SLC8A1: variants seen among roughly 807,000 people sequenced by gnomAD.
The protein encoded by SLC8A1 is solute carrier family 8 member A1, also known as sodium/calcium exchanger 1.
In SLC8A1, 18 loss-of-function variants were observed where a neutral mutation model predicts 68.3. That is an observed-to-expected ratio of 0.26 (90% CI 0.18 to 0.39). The LOEUF (loss-of-function observed/expected upper bound fraction) is 0.39. Ranked by LOEUF, SLC8A1 falls within the 10% of genes least tolerant of loss-of-function variation. The pLI, the probability that SLC8A1 is intolerant of heterozygous loss-of-function variation, is 1.00. For synonymous variants in SLC8A1, 475 were observed against 415.5 expected (o/e 1.14, Z -1.74); for missense variants, 985 against 1,156.7 (o/e 0.85, Z 2.15).
At chr2:40,391,193 C>T (rs1015650302) in intron 2 of SLC8A1, among the ~76,000 whole-genome samples, 7 of 150,766 alleles carry the variant, frequency 4.6e-5, no homozygotes, top group Admixed American at 3.3e-4. Flanking sequence ...ATATATATTA[C>T]ACACACACAT....
At chr2:40,159,863 T>C (rs2148444917) in intron 6 of SLC8A1, among the ~76,000 whole-genome samples, 1 of 152,292 alleles carries the variant, frequency 6.6e-6, no homozygotes, top group South Asian at 2.1e-4. Context: ...TGTGGCAGAC[T>C]GGAAAAAGGG....
chr2:40,414,860 T>A (rs1693323899), intron 2 of SLC8A1, among the ~76,000 whole-genome samples: 1 of 152,118 alleles, frequency 6.6e-6, no homozygotes, highest in East Asian at 1.9e-4. Flanking sequence ...AAAATACTAT[T>A]GGTTAAATAA....
chr2:40,097,658 T>C (rs1255789808), exon 8 of SLC8A1: 1 of 152,010 alleles, frequency 6.6e-6, no homozygotes, highest in African/African-American at 2.4e-5. Context: ...ATAGAAACCA[T>C]TGAAATGATA....
chr2:40,400,310 T>C (rs932708439), intron 2 of SLC8A1, among the ~76,000 whole-genome samples: 1 of 151,864 alleles, frequency 6.6e-6, no homozygotes, highest in African/African-American at 2.4e-5. Context: ...CATTAACCTA[T>C]CCTAGAACCA....
At chr2:40,145,125 G>T (rs1484472551) in intron 6 of SLC8A1, among the ~76,000 whole-genome samples, 1 of 152,038 alleles carries the variant, frequency 6.6e-6, no homozygotes, top group East Asian at 1.9e-4. Context: ...TCCTATCTTG[G>T]TGTATTTGAG....
chr2:40,481,194 T>C (rs574109861), intron 1 of SLC8A1, among the ~76,000 whole-genome samples: 79 of 152,296 alleles, frequency 5.2e-4, no homozygotes, highest in Non-Finnish European at 2.1e-4. Context: ...TTAAAGAACA[T>C]AGTTTACCAT....
intron 4 of SLC8A1, among the ~76,000 whole-genome samples, chr2:40,170,690 C>G (rs1036263011): frequency 6.6e-6 from 1 of 152,184 alleles, no homozygotes; most frequent in African/African-American, 2.4e-5. Context: ...CTTGCAGAAG[C>G]ATCATGGAAC....
exon 8 of SLC8A1, chr2:40,101,236 G>A (rs1356887322): frequency 6.6e-6 from 1 of 152,120 alleles, no homozygotes; most frequent in Non-Finnish European, 1.5e-5. Context: ...ATCATCTGTG[G>A]TTTTCAAGCT....
chr2:40,123,668 T>C (rs1558440314), intron 7 of SLC8A1, among the ~76,000 whole-genome samples: 1 of 152,234 alleles, frequency 6.6e-6, no homozygotes, highest in Non-Finnish European at 1.5e-5. Flanking sequence ...TAAGCCATGA[T>C]TCTGTTACTT....
intron 1 of SLC8A1, among the ~76,000 whole-genome samples, chr2:40,433,752 T>C (rs1200907409): frequency 6.6e-6 from 1 of 152,194 alleles, no homozygotes; most frequent in African/African-American, 2.4e-5. Context: ...CTGATATAAC[T>C]AACTGCTCCA....
exon 8 of SLC8A1, chr2:40,112,135 T>C (rs1187150401): frequency 3.3e-5 from 5 of 152,656 alleles, no homozygotes; most frequent in African/African-American, 1.2e-4. Flanking sequence ...ATGATACCAG[T>C]TGCACAATAA....
chr2:40,437,072 T>G (rs911892661), intron 1 of SLC8A1, among the ~76,000 whole-genome samples: 1 of 152,152 alleles, frequency 6.6e-6, no homozygotes, highest in Admixed American at 6.6e-5. Flanking sequence ...CATTCGCATT[T>G]TACAAATGAG....
chr2:40,156,159 C>T (rs1048009145), intron 6 of SLC8A1, among the ~76,000 whole-genome samples: 1 of 152,176 alleles, frequency 6.6e-6, no homozygotes, highest in African/African-American at 2.4e-5. Context: ...TCCAACGGGC[C>T]ATGAAGCAAA....
At chr2:40,248,752 A>AGAT (rs1196402479) in intron 2 of SLC8A1, among the ~76,000 whole-genome samples, 1 of 152,184 alleles carries the variant, frequency 6.6e-6, no homozygotes, top group African/African-American at 2.4e-5. Context: ...ATCCAAATTA[A>AGAT]GATGATGGTA....
exon 8 of SLC8A1, chr2:40,099,316 C>T (rs945087129): frequency 4.6e-5 from 7 of 151,966 alleles, no homozygotes; most frequent in South Asian, 2.1e-4. Flanking sequence ...TGCGTGCACT[C>T]GAACGGCAAG....
At position 40,474,660 on chromosome 2, in the gene SLC8A1, G is replaced by A. The variant is rs529633410; in HGVS notation, c.-25+37689C>T. Among the ~76,000 whole-genome samples, 124 of 152,286 alleles carry A rather than the reference G, an allele frequency of 8.1e-4. 1 individual carries two copies. Among genetic ancestry groups the A allele is most frequent in the African/African-American group, 2.9e-3 (122 of 41,546 alleles). ...ACTGTTCTGAATACTTCTTAAGTATGAAGTTACTTAATCTTACAAGCCCTT... is the reference window on the plus strand; with the variant it reads ...ACTGTTCTGAATACTTCTTAAGTATAAAGTTACTTAATCTTACAAGCCCTT... On this transcript the variant is annotated intron_variant, in intron 1 of 7. Coordinates refer to the SLC8A1 transcript ENST00000402441.
intron 2 of SLC8A1, among the ~76,000 whole-genome samples, chr2:40,234,098 A>G (rs1216276487): frequency 6.6e-6 from 1 of 152,154 alleles, no homozygotes; most frequent in Non-Finnish European, 1.5e-5. Context: ...TTTTGGTTCC[A>G]TATGAACTTT....
intron 2 of SLC8A1, among the ~76,000 whole-genome samples, chr2:40,333,822 G>A (rs756673640): frequency 2.0e-4 from 30 of 152,166 alleles, no homozygotes; most frequent in African/African-American, 2.9e-4. Flanking sequence ...GCTAAGGCGG[G>A]TGGATCTCTT....
chr2:40,365,907 G>A (rs1470352667), intron 2 of SLC8A1, among the ~76,000 whole-genome samples: 1 of 151,536 alleles, frequency 6.6e-6, no homozygotes, highest in Non-Finnish European at 1.5e-5. Context: ...GCTGAGGCAG[G>A]ACTGATTAAG....
Sources: gnomAD v4.1 joint callset for allele counts (sites outside exome capture counted in the v4.1 genomes callset) on GRCh38, gnomAD v4.1.1 for gene constraint, MANE v1.5 for transcripts, NCBI Gene and HGNC (gene_info 2026-07-23, HGNC 2026-07-21) for gene names.